The following STK32B variants were observed in gnomAD, a reference collection of about 807,000 sequenced individuals.
The protein encoded by STK32B is serine/threonine-protein kinase 32B.
In STK32B, 43 loss-of-function variants were observed where a neutral mutation model predicts 52.6. The ratio of observed to expected loss-of-function variants is 0.82; its 90% CI spans 0.64 to 1.05. The LOEUF is 1.05. Ranked by LOEUF, STK32B falls within the 50% of genes least tolerant of loss-of-function variation. The pLI is 0.00. For synonymous variants in STK32B, 238 were observed against 204.3 expected (o/e 1.17, Z -1.41); for missense variants, 621 against 534.6 (o/e 1.16, Z -1.59).
intron 4 of STK32B, among the ~76,000 whole-genome samples, chr4:5,390,261 G>A (rs1012468347): frequency 1.8e-4 from 28 of 152,356 alleles, no homozygotes; most frequent in African/African-American, 6.7e-4. Flanking sequence ...GACACACTCA[G>A]TAGGGCTCAG....
At chr4:5,449,591 C>T (rs1026860342) in intron 7 of STK32B, among the ~76,000 whole-genome samples, 3 of 152,168 alleles carry the variant, frequency 2.0e-5, no homozygotes, top group Non-Finnish European at 4.4e-5. Context: ...GGGTACTGGC[C>T]TGTGGCCTGT....
At chr4:5,035,164 A>G in the STK32B span, among the ~76,000 whole-genome samples, 4 of 152,206 alleles carry the variant, frequency 2.6e-5, no homozygotes, top group African/African-American at 9.7e-5. Flanking sequence ...TCATAGCATC[A>G]TGAAGTTTTT....
At chr4:5,112,858 T>C (rs115851069) in intron 1 of STK32B, among the ~76,000 whole-genome samples, 2,596 of 152,184 alleles carry the variant, frequency 0.017, 86 homozygotes, top group African/African-American at 0.059. Flanking sequence ...GGTTGACAGA[T>C]GAATGTGACT....
At chr4:5,132,057 G>A (rs558661649) in intron 1 of STK32B, among the ~76,000 whole-genome samples, 92 of 152,220 alleles carry the variant, frequency 6.0e-4, no homozygotes, top group African/African-American at 2.1e-3. Flanking sequence ...TAGTTTGCAT[G>A]GGGTAATGGC....
At chr4:5,169,035 C>T (rs181293728) in intron 3 of STK32B, among the ~76,000 whole-genome samples, 6 of 152,326 alleles carry the variant, frequency 3.9e-5, no homozygotes, top group Admixed American at 3.9e-4. Context: ...GAAATATCTT[C>T]CTAAAACACT....
At chr4:5,430,813 G>T (rs548094853) in intron 6 of STK32B, among the ~76,000 whole-genome samples, 1 of 152,254 alleles carries the variant, frequency 6.6e-6, no homozygotes, top group South Asian at 2.1e-4. Flanking sequence ...GGGTTTTAGT[G>T]TGGTTACCAA....
At chr4:5,107,479 C>A (rs956244764) in intron 1 of STK32B, among the ~76,000 whole-genome samples, 7 of 152,128 alleles carry the variant, frequency 4.6e-5, no homozygotes, top group African/African-American at 1.7e-4. Flanking sequence ...GACCACTGTG[C>A]TAAGGGATTG....
chr4:5,151,175 T>C (rs1224181081), intron 2 of STK32B, among the ~76,000 whole-genome samples: 1 of 152,222 alleles, frequency 6.6e-6, no homozygotes, highest in African/African-American at 2.4e-5. Flanking sequence ...CGCAAATTCA[T>C]ATAGAATGTA....
intron 6 of STK32B, among the ~76,000 whole-genome samples, chr4:5,442,703 T>C (rs1377026707): frequency 1.3e-5 from 2 of 152,216 alleles, no homozygotes; most frequent in Non-Finnish European, 2.9e-5. Context: ...CTAGTCTTGA[T>C]GGTCTTTACA....
intron 3 of STK32B, among the ~76,000 whole-genome samples, chr4:5,190,237 A>G (rs997778511): frequency 6.6e-6 from 1 of 152,194 alleles, no homozygotes; most frequent in Admixed American, 6.5e-5. Context: ...GTAACCTTGT[A>G]TATGTTGGTG....
chr4:5,455,812 C>G (rs1716455241), intron 7 of STK32B, among the ~76,000 whole-genome samples: 1 of 152,104 alleles, frequency 6.6e-6, no homozygotes, highest in Non-Finnish European at 1.5e-5. Context: ...CCCACAGCTT[C>G]GTGGAGGAGA....
At chr4:5,108,520 G>A (rs1714230668) in intron 1 of STK32B, among the ~76,000 whole-genome samples, 1 of 152,120 alleles carries the variant, frequency 6.6e-6, no homozygotes, top group African/African-American at 2.4e-5. Flanking sequence ...TCTGTTTTCT[G>A]GAAGAGTTTA....
intron 3 of STK32B, among the ~76,000 whole-genome samples, chr4:5,299,047 G>T (rs2108893748): frequency 6.6e-6 from 1 of 152,086 alleles, no homozygotes; most frequent in East Asian, 2.0e-4. Flanking sequence ...GGCTAGGGGA[G>T]GGAGTTACCC....
chr4:5,357,072 T>C (rs569198650), intron 4 of STK32B, among the ~76,000 whole-genome samples: 2 of 143,750 alleles, frequency 1.4e-5, no homozygotes, highest in Non-Finnish European at 3.0e-5. Flanking sequence ...TACACACATA[T>C]ACACACACAC....
intron 3 of STK32B, among the ~76,000 whole-genome samples, chr4:5,174,268 G>T (rs1719636672): frequency 6.6e-6 from 1 of 152,162 alleles, no homozygotes; most frequent in Non-Finnish European, 1.5e-5. Context: ...TTGCCAGTTT[G>T]TGTTTTTTAA....
At chr4:5,451,169 C>T (rs538062800) in intron 7 of STK32B, among the ~76,000 whole-genome samples, 9 of 152,236 alleles carry the variant, frequency 5.9e-5, no homozygotes, top group South Asian at 2.1e-4. Context: ...ACACACACAA[C>T]GATGATTCCA....
At chr4:5,454,556 T>C (rs1716328954) in intron 7 of STK32B, among the ~76,000 whole-genome samples, 1 of 151,962 alleles carries the variant, frequency 6.6e-6, no homozygotes, top group Non-Finnish European at 1.5e-5. Context: ...CCAAATAAGG[T>C]CACATTCTGA....
intron 1 of STK32B, among the ~76,000 whole-genome samples, chr4:5,113,689 C>T (rs950688256): frequency 1.3e-5 from 2 of 152,166 alleles, no homozygotes; most frequent in Non-Finnish European, 2.9e-5. Context: ...ACAGACTTAT[C>T]AAAGCCTCCG....
At chr4:5,293,849 A>G (rs1729036000) in intron 3 of STK32B, among the ~76,000 whole-genome samples, 1 of 152,104 alleles carries the variant, frequency 6.6e-6, no homozygotes, top group Non-Finnish European at 1.5e-5. Context: ...TGTTTTAGTC[A>G]TGAAGTCTTT....
Sources: allele counts gnomAD v4.1 joint callset (sites outside exome capture counted in the v4.1 genomes callset), GRCh38; gene constraint gnomAD v4.1.1; transcripts MANE v1.5; gene names NCBI Gene and HGNC (gene_info 2026-07-23, HGNC 2026-07-21).